The following PCSK5 variants were observed in gnomAD, a reference collection of about 807,000 sequenced individuals.
The protein encoded by PCSK5 is prohormone convertase 5.
In PCSK5, 129 loss-of-function variants were observed where a neutral mutation model predicts 233.2. The observed-to-expected ratio is 0.55, with a 90% CI of 0.48 to 0.64. The LOEUF (loss-of-function observed/expected upper bound fraction) is 0.64, where lower values mean the gene tolerates loss of function less well. Ranked by LOEUF, PCSK5 falls within the 30% of genes least tolerant of loss-of-function variation. The pLI is 0.00. For synonymous variants in PCSK5, 825 were observed against 879.2 expected (o/e 0.94, Z 1.09); for missense variants, 2,076 against 2,430.1 (o/e 0.85, Z 3.06).
At chr9:76,073,751 A>G in intron 7 of PCSK5, among the ~76,000 whole-genome samples, 1 of 152,148 alleles carries the variant, frequency 6.6e-6, no homozygotes, top group Non-Finnish European at 1.5e-5. Flanking sequence ...CCCCATATTC[A>G]ATAGCTGGTT....
intron 7 of PCSK5, among the ~76,000 whole-genome samples, chr9:76,074,847 A>T (rs372061493): frequency 3.9e-5 from 6 of 152,196 alleles, no homozygotes; most frequent in African/African-American, 1.4e-4. Context: ...TCAGTCCATC[A>T]TCCTTCTCTC....
At chr9:76,323,383 T>A (rs1829268388) in intron 32 of PCSK5, 95 bp downstream of exon 32, 2 of 738,858 alleles carry the variant, frequency 2.7e-6, no homozygotes, top group East Asian at 5.3e-5. Flanking sequence ...TTTTTTTTGT[T>A]GTGTTTTGTT....
At chr9:76,282,055 T>C (rs927758504) in intron 24 of PCSK5, among the ~76,000 whole-genome samples, 14 of 147,386 alleles carry the variant, frequency 9.5e-5, no homozygotes, top group Non-Finnish European at 1.8e-4. Flanking sequence ...ATGCACCATT[T>C]TTTTCTTTCT....
chr9:75,987,039 C>A (rs879559059), intron 3 of PCSK5, among the ~76,000 whole-genome samples: 5 of 152,148 alleles, frequency 3.3e-5, no homozygotes, highest in Non-Finnish European at 7.3e-5. Context: ...CTAAATTTTG[C>A]CAGTATATTA....
At chr9:76,053,542 C>T (rs966279873) in intron 5 of PCSK5, among the ~76,000 whole-genome samples, 5 of 152,096 alleles carry the variant, frequency 3.3e-5, no homozygotes, top group African/African-American at 7.2e-5. Flanking sequence ...TGCCAGATAC[C>T]GTAAATCATC....
intron 11 of PCSK5, among the ~76,000 whole-genome samples, chr9:76,157,833 G>A (rs1822660880): frequency 6.6e-6 from 1 of 152,204 alleles, no homozygotes; most frequent in African/African-American, 2.4e-5. Context: ...GGCAAAGAAT[G>A]AGAGAGAAAA....
At chr9:76,074,277 T>C (rs530755795) in intron 7 of PCSK5, among the ~76,000 whole-genome samples, 124 of 152,352 alleles carry the variant, frequency 8.1e-4, no homozygotes, top group African/African-American at 2.8e-3. Flanking sequence ...TTATTTTATT[T>C]GTTTCAAAAT....
chr9:76,255,379 C>T (rs139069376), intron 24 of PCSK5, among the ~76,000 whole-genome samples: 69 of 152,324 alleles, frequency 4.5e-4, no homozygotes, highest in African/African-American at 1.6e-3. Context: ...GATATAGAAA[C>T]AGATAACTTC....
intron 22 of PCSK5, among the ~76,000 whole-genome samples, chr9:76,238,093 A>G (rs1289316137): frequency 6.6e-6 from 1 of 152,200 alleles, no homozygotes; most frequent in Non-Finnish European, 1.5e-5. Context: ...AGGCAGGGAC[A>G]TGTGGGAAAT....
At chr9:76,033,288 T>G (rs1477669810) in intron 5 of PCSK5, among the ~76,000 whole-genome samples, 2 of 152,314 alleles carry the variant, frequency 1.3e-5, no homozygotes, top group African/African-American at 4.8e-5. Context: ...CCTTAACACG[T>G]ACAAACATTT....
chr9:76,046,903 C>A (rs1829433656), intron 5 of PCSK5, among the ~76,000 whole-genome samples: 2 of 152,130 alleles, frequency 1.3e-5, no homozygotes, highest in African/African-American at 4.8e-5. Context: ...TGTGAACACA[C>A]TTCTTCTCTT....
At chr9:76,297,205 C>T (rs1489526564) in intron 27 of PCSK5, among the ~76,000 whole-genome samples, 2 of 152,178 alleles carry the variant, frequency 1.3e-5, no homozygotes, top group African/African-American at 4.8e-5. Flanking sequence ...TCAGAAATTT[C>T]GGAGTCACTT....
chr9:76,004,559 CTAAA>C (rs1236641346), intron 3 of PCSK5, among the ~76,000 whole-genome samples: 1 of 152,126 alleles, frequency 6.6e-6, no homozygotes. Flanking sequence ...TGACTTCTAC[CTAAA>C]TAAATCATTA....
At chr9:76,122,918 A>C (rs1222070533) in intron 9 of PCSK5, among the ~76,000 whole-genome samples, 4 of 146,438 alleles carry the variant, frequency 2.7e-5, no homozygotes, top group African/African-American at 7.6e-5. Flanking sequence ...GCAACCTCCA[A>C]CCTTCACCTC....
At chr9:76,124,055 T>C (rs990657) in intron 9 of PCSK5, among the ~76,000 whole-genome samples, 85,718 of 151,840 alleles carry the variant, frequency 0.56, 24,286 homozygotes, top group East Asian at 0.68. Flanking sequence ...GTATTTTTAG[T>C]CCACCTTGAA....
In PCSK5 at chr9:76,071,286, C is replaced by T. The variant is rs541410048; in HGVS notation, c.722-440C>T. On this transcript the variant is annotated intron_variant, in intron 6 of 37. Coordinates refer to ENST00000674117, the MANE Select transcript of PCSK5 (RefSeq NM_001372043.1). ...GGGCTAATATTAAATATGGAGGATA[C>T]GAGACCATCCTACCTTGGCAGCTTT... 1.2e-4 allele frequency among the ~76,000 whole-genome samples: 18 copies of T among 152,140 alleles called. No homozygotes were observed. The South Asian group carries it at 2.1e-3, about 18-fold the overall frequency.
chr9:76,242,306 C>G (rs1826454839), intron 24 of PCSK5, among the ~76,000 whole-genome samples: 1 of 152,004 alleles, frequency 6.6e-6, no homozygotes. Flanking sequence ...TATATTGTGG[C>G]TATCACCACC....
intron 5 of PCSK5, among the ~76,000 whole-genome samples, chr9:76,055,368 A>T (rs1587559497): frequency 6.6e-6 from 1 of 152,110 alleles, no homozygotes; most frequent in East Asian, 1.9e-4. Context: ...AAAACTGATC[A>T]CCACAAATAG....
At chr9:76,099,638 C>T (rs893710638) in intron 8 of PCSK5, among the ~76,000 whole-genome samples, 3 of 152,110 alleles carry the variant, frequency 2.0e-5, no homozygotes, top group African/African-American at 4.8e-5. Flanking sequence ...TTTTATGGTC[C>T]GGCTGACCCC....
Sources: gnomAD v4.1 joint callset for allele counts (sites outside exome capture counted in the v4.1 genomes callset) on GRCh38, gnomAD v4.1.1 for gene constraint, MANE v1.5 for transcripts, NCBI Gene and HGNC (gene_info 2026-07-23, HGNC 2026-07-21) for gene names.